The following TBC1D5 variants were observed in gnomAD, a reference collection of about 807,000 sequenced individuals.
TBC1D5 encodes TBC1 domain family member 5.
TBC1D5 carries 75 observed loss-of-function variants against 100.3 expected under a neutral mutation model. That is an observed-to-expected ratio of 0.75 (90% CI 0.62 to 0.91). The LOEUF (loss-of-function observed/expected upper bound fraction) is 0.91. Among genes scored for constraint, TBC1D5 ranks in the 40% least tolerant of loss-of-function variants. The pLI, the probability that TBC1D5 is intolerant of heterozygous loss-of-function variation, is 0.00. For missense variants in TBC1D5, 910 were observed against 942.4 expected (o/e 0.97, Z 0.45); for synonymous variants, 323 against 325.6 (o/e 0.99, Z 0.09).
chr3:17,657,755 T>C (rs1007258426), intron 1 of TBC1D5, among the ~76,000 whole-genome samples: 3 of 152,262 alleles, frequency 2.0e-5, no homozygotes, highest in South Asian at 4.1e-4. Context: ...CTTTCCTTCC[T>C]GTAGATTTTA....
At chr3:17,629,834 A>C (rs911752830) in intron 1 of TBC1D5, among the ~76,000 whole-genome samples, 1 of 152,228 alleles carries the variant, frequency 6.6e-6, no homozygotes, top group African/African-American at 2.4e-5. Context: ...ATTTTCTGAC[A>C]TTTGAACTTT....
chr3:17,381,702 T>G (rs898580484), intron 9 of TBC1D5, among the ~76,000 whole-genome samples: 1 of 152,072 alleles, frequency 6.6e-6, no homozygotes, highest in African/African-American at 2.4e-5. Context: ...GTTTTTAGTC[T>G]TTCGACTTTT....
chr3:17,358,614 CTTTTTT>C, intron 13 of TBC1D5, among the ~76,000 whole-genome samples: 1 of 152,136 alleles, frequency 6.6e-6, no homozygotes, highest in Admixed American at 6.6e-5. Context: ...ACAACTCATT[CTTTTTT>C]ATCTCAGTCC....
intron 2 of TBC1D5, among the ~76,000 whole-genome samples, chr3:17,526,356 T>TCTCATC (rs1210003656): frequency 1.1e-4 from 17 of 152,160 alleles, no homozygotes; most frequent in Non-Finnish European, 1.9e-4. Context: ...TAGCTGGGAC[T>TCTCATC]ACAGATGAGT....
At chr3:17,689,057 A>C (rs553323231) in intron 1 of TBC1D5, among the ~76,000 whole-genome samples, 1 of 152,186 alleles carries the variant, frequency 6.6e-6, no homozygotes, top group Non-Finnish European at 1.5e-5. Context: ...ATAATTTAGA[A>C]TGCTTCAAAA....
chr3:17,439,931 G>C (rs891658763), intron 3 of TBC1D5, among the ~76,000 whole-genome samples: 12 of 152,024 alleles, frequency 7.9e-5, no homozygotes, highest in Non-Finnish European at 1.8e-4. Flanking sequence ...CTGTAAATGG[G>C]CCCTAATTAA....
intron 3 of TBC1D5, among the ~76,000 whole-genome samples, chr3:17,459,214 G>A (rs1352073463): frequency 1.3e-5 from 2 of 152,006 alleles, no homozygotes; most frequent in African/African-American, 4.8e-5. Flanking sequence ...CAATCTTTTT[G>A]GCCCCAAAAA....
chr3:17,589,381 A>C (rs2096752217), intron 2 of TBC1D5, among the ~76,000 whole-genome samples: 1 of 152,280 alleles, frequency 6.6e-6, no homozygotes, highest in South Asian at 2.1e-4. Context: ...CCCAAATCTC[A>C]TCTTGAATTC....
At chr3:17,531,030 C>T (rs530740232) in intron 2 of TBC1D5, among the ~76,000 whole-genome samples, 9 of 152,114 alleles carry the variant, frequency 5.9e-5, no homozygotes, top group African/African-American at 2.2e-4. Context: ...ATTAGGAAAA[C>T]AGGAAGTCAA....
chr3:17,337,395 T>C (rs1465499057), intron 13 of TBC1D5: 1 of 152,154 alleles, frequency 6.6e-6, no homozygotes, highest in Non-Finnish European at 1.5e-5. Flanking sequence ...TACGTTGTAC[T>C]TGGTGAACGG....
intron 2 of TBC1D5, among the ~76,000 whole-genome samples, chr3:17,557,949 T>C (rs1367502883): frequency 1.3e-5 from 2 of 152,178 alleles, no homozygotes; most frequent in Admixed American, 6.5e-5. Flanking sequence ...AATCATGTTA[T>C]GAACACATTA....
chr3:17,285,248 CTTTTTTTTT>C (rs373843978), intron 15 of TBC1D5, among the ~76,000 whole-genome samples: 1 of 104,702 alleles, frequency 9.6e-6, no homozygotes, highest in African/African-American at 3.6e-5. Context: ...ATTTTAGATT[CTTTTTTTTT>C]TTTTTTTTTT....
intron 3 of TBC1D5, among the ~76,000 whole-genome samples, chr3:17,482,225 T>C (rs2095510343): frequency 6.7e-6 from 1 of 149,318 alleles, no homozygotes; most frequent in South Asian, 2.1e-4. Flanking sequence ...ATGTTCCCTA[T>C]AACGTGTACC....
intron 13 of TBC1D5, among the ~76,000 whole-genome samples, chr3:17,355,716 T>C (rs1055030167): frequency 5.3e-5 from 8 of 152,084 alleles, no homozygotes; most frequent in Admixed American, 1.3e-4. Context: ...CGTTTTTTTT[T>C]GGTTTTTATT....
At chr3:17,432,063 T>A (rs539252733) in intron 3 of TBC1D5, among the ~76,000 whole-genome samples, 5 of 152,280 alleles carry the variant, frequency 3.3e-5, no homozygotes, top group African/African-American at 1.2e-4. Context: ...TGTCTTCAGT[T>A]TACATGTGAA....
intron 2 of TBC1D5, among the ~76,000 whole-genome samples, chr3:17,558,681 A>G (rs1030332942): frequency 6.6e-6 from 1 of 152,222 alleles, no homozygotes; most frequent in Non-Finnish European, 1.5e-5. Context: ...CTGAAAAAGA[A>G]CTAGACATAG....
At chr3:17,386,767 C>A (rs1332583364) in intron 8 of TBC1D5, among the ~76,000 whole-genome samples, 1 of 152,150 alleles carries the variant, frequency 6.6e-6, no homozygotes, top group Admixed American at 6.6e-5. Flanking sequence ...GCCCAATTCA[C>A]GAATCGTTCA....
intron 3 of TBC1D5, among the ~76,000 whole-genome samples, chr3:17,475,372 AC>A (rs539716243): frequency 3.3e-5 from 5 of 151,342 alleles, no homozygotes; most frequent in African/African-American, 4.9e-5. Flanking sequence ...CTCCCCACTC[AC>A]CCCCTCCAAA....
At chr3:17,493,508 CT>C (rs1476584087) in intron 3 of TBC1D5, among the ~76,000 whole-genome samples, 2 of 152,118 alleles carry the variant, frequency 1.3e-5, no homozygotes, top group Non-Finnish European at 2.9e-5. Context: ...GGATGATATC[CT>C]GAAGTATGTT....
Sources: gnomAD v4.1 joint callset for allele counts (sites outside exome capture counted in the v4.1 genomes callset) on GRCh38, gnomAD v4.1.1 for gene constraint, MANE v1.5 for transcripts, NCBI Gene and HGNC (gene_info 2026-07-23, HGNC 2026-07-21) for gene names.